DTNA: variants seen among roughly 807,000 people sequenced by gnomAD.
DTNA encodes the protein dystrophin-related protein 3.
A neutral mutation model predicts 100.7 loss-of-function variants in DTNA; 43 were observed. That is an observed-to-expected ratio of 0.43 (90% CI 0.33 to 0.55). The LOEUF (loss-of-function observed/expected upper bound fraction) is 0.55, where lower values mean the gene tolerates loss of function less well. Among genes scored for constraint, DTNA ranks in the 20% least tolerant of loss-of-function variants. The pLI is 0.04. For missense variants in DTNA, 798 were observed against 953.9 expected, an observed-to-expected ratio of 0.84 and a Z score of 2.15; for synonymous variants, 349 against 347.9, an observed-to-expected ratio of 1.00 and a Z score of -0.04.
chr18:34,644,915 A>G (rs1253337353), intron 1 of DTNA, among the ~76,000 whole-genome samples: 2 of 152,120 alleles, frequency 1.3e-5, no homozygotes, highest in Non-Finnish European at 2.9e-5. Flanking sequence ...AAAATATTTT[A>G]ATGTATACTA....
intron 1 of DTNA, among the ~76,000 whole-genome samples, chr18:34,506,121 A>C (rs2040464625): frequency 6.6e-6 from 1 of 152,148 alleles, no homozygotes; most frequent in African/African-American, 2.4e-5. Flanking sequence ...TGAAGGGTAG[A>C]AGTGCCTCCT....
intron 17 of DTNA, among the ~76,000 whole-genome samples, chr18:34,865,583 AAGACT>A (rs1423813165): frequency 6.6e-6 from 1 of 152,234 alleles, no homozygotes; most frequent in African/African-American, 2.4e-5. Context: ...TGGGTAAGAC[AAGACT>A]AGATAGTTCA....
At chr18:34,672,624 T>C (rs1274613392) in intron 1 of DTNA, among the ~76,000 whole-genome samples, 5 of 152,228 alleles carry the variant, frequency 3.3e-5, no homozygotes, top group South Asian at 2.1e-4. Flanking sequence ...TATCTTCATA[T>C]GTATCATATC....
intron 1 of DTNA, among the ~76,000 whole-genome samples, chr18:34,614,452 C>A (rs948403879): frequency 6.6e-6 from 1 of 152,136 alleles, no homozygotes; most frequent in Non-Finnish European, 1.5e-5. Context: ...TCTGATGGAT[C>A]TGGACAAAGT....
intron 1 of DTNA, among the ~76,000 whole-genome samples, chr18:34,551,118 C>T (rs898061211): frequency 6.6e-6 from 1 of 152,168 alleles, no homozygotes; most frequent in Non-Finnish European, 1.5e-5. Flanking sequence ...AGACTGGCCT[C>T]CATTCATGCT....
At chr18:34,535,040 T>C (rs1457762753) in intron 1 of DTNA, among the ~76,000 whole-genome samples, 1 of 152,172 alleles carries the variant, frequency 6.6e-6, no homozygotes, top group Non-Finnish European at 1.5e-5. Context: ...ATGGTATTTC[T>C]GGTTCTAGAT....
At chr18:34,649,701 A>C (rs1409958273) in intron 1 of DTNA, among the ~76,000 whole-genome samples, 1 of 152,146 alleles carries the variant, frequency 6.6e-6, no homozygotes, top group African/African-American at 2.4e-5. Context: ...TTTCATGTCT[A>C]TTGGGATATC....
intron 3 of DTNA, among the ~76,000 whole-genome samples, chr18:34,771,549 G>T (rs1360349542): frequency 6.6e-6 from 1 of 151,996 alleles, no homozygotes; most frequent in Non-Finnish European, 1.5e-5. Context: ...TGAGTCAAAG[G>T]GTTCTCCTTT....
At chr18:34,643,535 A>G (rs1438377032) in intron 1 of DTNA, among the ~76,000 whole-genome samples, 1 of 152,186 alleles carries the variant, frequency 6.6e-6, no homozygotes, top group Non-Finnish European at 1.5e-5. Flanking sequence ...TTTTCAGGAA[A>G]TCTGTTTATT....
intron 17 of DTNA, among the ~76,000 whole-genome samples, chr18:34,871,500 G>T (rs1220331660): frequency 6.6e-6 from 1 of 152,080 alleles, no homozygotes. Flanking sequence ...TTAAGTCTTT[G>T]CTCCATTAAT....
At chr18:34,804,876 T>C (rs1218516263) in intron 4 of DTNA, among the ~76,000 whole-genome samples, 1 of 152,148 alleles carries the variant, frequency 6.6e-6, no homozygotes, top group Non-Finnish European at 1.5e-5. Flanking sequence ...GGTATTACAC[T>C]AAAAATGACA....
At chr18:34,554,052 C>A (rs1303840631) in intron 1 of DTNA, among the ~76,000 whole-genome samples, 16 of 120,858 alleles carry the variant, frequency 1.3e-4, no homozygotes, top group Admixed American at 3.4e-4. Context: ...CTTTTATTTC[C>A]TTGAGCAGTG....
chr18:34,646,732 G>A (rs1198497883), intron 1 of DTNA, among the ~76,000 whole-genome samples: 1 of 151,920 alleles, frequency 6.6e-6, no homozygotes, highest in African/African-American at 2.4e-5. Flanking sequence ...TTTTTGAGAT[G>A]GAGTCTTGCC....
chr18:34,688,521 T>C (rs560287759), intron 1 of DTNA, among the ~76,000 whole-genome samples: 2 of 152,354 alleles, frequency 1.3e-5, no homozygotes, highest in African/African-American at 4.8e-5. Flanking sequence ...ACTGTTAGTC[T>C]GATGGGCTTC....
Position 34,505,146 on chromosome 18 carries a change from G to C in DTNA, c.-2+11632G>C, listed in dbSNP as rs533464843. On this transcript the variant is annotated intron_variant, in intron 1 of 19. Coordinates refer to the DTNA transcript ENST00000283365. ...GTGTTAGCAAGGCTGCTTCCTTCTG[G>C]AGGTTCTAAGGAATAATCTATTACT... Among the ~76,000 whole-genome samples the C allele has an allele frequency of 4.6e-5, 7 of 152,288 alleles. No homozygotes were observed. In the East Asian group the frequency reaches 1.2e-3, roughly 25 times the overall value.
chr18:34,819,443 A>T (rs1000805610), intron 8 of DTNA, among the ~76,000 whole-genome samples: 42 of 152,192 alleles, frequency 2.8e-4, no homozygotes, highest in African/African-American at 9.6e-4. Context: ...GGACAGATAG[A>T]TACATTAACA....
At chr18:34,649,609 A>C (rs1256013744) in intron 1 of DTNA, among the ~76,000 whole-genome samples, 2 of 152,212 alleles carry the variant, frequency 1.3e-5, no homozygotes, top group Non-Finnish European at 2.9e-5. Flanking sequence ...GGAGAAAAAA[A>C]TTGAGGGAAT....
At chr18:34,653,962 A>G (rs760526578) in intron 1 of DTNA, among the ~76,000 whole-genome samples, 2 of 152,198 alleles carry the variant, frequency 1.3e-5, no homozygotes, top group Non-Finnish European at 2.9e-5. Flanking sequence ...CCTTATATCT[A>G]TCCAAAGGGT....
At chr18:34,502,186 C>T (rs2144632925) in intron 1 of DTNA, among the ~76,000 whole-genome samples, 1 of 152,218 alleles carries the variant, frequency 6.6e-6, no homozygotes, top group African/African-American at 2.4e-5. Flanking sequence ...TCAAATTATT[C>T]TTTGGATGTC....
Sources: allele counts gnomAD v4.1 joint callset (sites outside exome capture counted in the v4.1 genomes callset), GRCh38; gene constraint gnomAD v4.1.1; transcripts MANE v1.5; gene names NCBI Gene and HGNC (gene_info 2026-07-23, HGNC 2026-07-21).